FHIT: variants seen among roughly 807,000 people sequenced by gnomAD.
FHIT encodes the protein fragile histidine triad diadenosine triphosphatase.
Under a neutral mutation model 17.9 loss-of-function variants are expected in FHIT, and 19 were observed. The observed-to-expected ratio is 1.06, with a 90% confidence interval of 0.74 to 1.56. The LOEUF (loss-of-function observed/expected upper bound fraction) is 1.56, where lower values mean the gene tolerates loss of function less well. FHIT is among the 40% of genes most tolerant of loss of function. The pLI is 0.00. For missense variants in FHIT, 248 were observed against 189.2 expected (o/e 1.31, Z -1.82); for synonymous variants, 81 against 69.7 (o/e 1.16, Z -0.81).
intron 4 of FHIT, among the ~76,000 whole-genome samples, chr3:60,538,418 T>C (rs149790299): frequency 1.4e-3 from 207 of 152,252 alleles, no homozygotes; most frequent in Middle Eastern, 3.4e-3. Flanking sequence ...ATTACTTTCT[T>C]CACAGAATTG....
chr3:60,440,532 G>A (rs567542184), intron 5 of FHIT, among the ~76,000 whole-genome samples: 7 of 152,094 alleles, frequency 4.6e-5, no homozygotes, highest in East Asian at 1.9e-4. Context: ...CATTTAATTC[G>A]CTCAGCAATC....
intron 3 of FHIT, among the ~76,000 whole-genome samples, chr3:60,918,094 T>C (rs1707097172): frequency 1.3e-5 from 2 of 152,200 alleles, no homozygotes; most frequent in South Asian, 4.1e-4. Flanking sequence ...TTCACAATAT[T>C]TGATGGTTTT....
chr3:60,581,756 A>G lies in FHIT; in HGVS notation c.-17-44777T>C, dbSNP rs577392654. Among the ~76,000 whole-genome samples the G allele has an allele frequency of 3.3e-5, 5 of 152,218 alleles. No homozygotes were observed. In the East Asian group the frequency reaches 7.8e-4, roughly 24 times the overall value. On this transcript the variant is annotated intron_variant, in intron 4 of 9. Transcript: ENST00000492590. The stretch of plus-strand genomic sequence containing the variant: ...TGCAGAGTTTAGTGATGAGGTTATC[A>G]AAGTCCAAGTGATTATTGGTCCCAA...
chr3:60,782,595 A>G (rs1553725963), intron 4 of FHIT, among the ~76,000 whole-genome samples: 3 of 152,224 alleles, frequency 2.0e-5, no homozygotes, highest in African/African-American at 7.2e-5. Context: ...GAACAGAACA[A>G]AACAGCAAGG....
intron 8 of FHIT, among the ~76,000 whole-genome samples, chr3:59,759,229 C>T (rs1301824853): frequency 6.6e-6 from 1 of 151,842 alleles, no homozygotes; most frequent in African/African-American, 2.4e-5. Context: ...ATCATTTGCA[C>T]CCTGTGGGCA....
chr3:59,893,590 G>A (rs930108919), intron 8 of FHIT, among the ~76,000 whole-genome samples: 3 of 152,216 alleles, frequency 2.0e-5, no homozygotes, highest in African/African-American at 7.2e-5. Flanking sequence ...ATTTTTGTAG[G>A]AAGTGTGTTC....
chr3:60,666,249 G>T (rs555634815), intron 4 of FHIT, among the ~76,000 whole-genome samples: 12 of 152,200 alleles, frequency 7.9e-5, no homozygotes, highest in African/African-American at 2.9e-4. Context: ...TCTGTTTAAA[G>T]AACTTTCTTT....
At chr3:60,832,764 T>C (rs1464608460) in intron 3 of FHIT, among the ~76,000 whole-genome samples, 8 of 152,164 alleles carry the variant, frequency 5.3e-5, no homozygotes, top group Non-Finnish European at 7.3e-5. Context: ...CAGTCTCTTA[T>C]TCATTTTAAA....
At chr3:60,801,028 C>T (rs1575542338) in intron 4 of FHIT, among the ~76,000 whole-genome samples, 1 of 152,156 alleles carries the variant, frequency 6.6e-6, no homozygotes, top group South Asian at 2.1e-4. Context: ...GCATCCTCTA[C>T]AGAGGGAAAT....
At chr3:60,528,713 G>C (rs1289465869) in intron 5 of FHIT, among the ~76,000 whole-genome samples, 2 of 152,224 alleles carry the variant, frequency 1.3e-5, no homozygotes, top group East Asian at 3.9e-4. Flanking sequence ...AATCTACTGA[G>C]ACCATGTGCA....
At chr3:61,086,218 T>C (rs907991111) in intron 2 of FHIT, among the ~76,000 whole-genome samples, 4 of 152,192 alleles carry the variant, frequency 2.6e-5, no homozygotes, top group Non-Finnish European at 5.9e-5. Context: ...TTAAGTATGA[T>C]ATTTGCTGTA....
In FHIT at chr3:60,147,996, G is replaced by C. The variant is rs140589586; in HGVS notation, c.104-133844C>G. ...CACTGGTGAAGGGGTTTCCTCACAG[G>C]GGTTTAATAGTAAATTATTCTTTCC... On this transcript the variant is annotated intron_variant, in intron 5 of 9. Transcript: ENST00000492590. Among the ~76,000 whole-genome samples, 10 of 152,192 alleles carry C rather than the reference G, an allele frequency of 6.6e-5. No individual in the cohort carries two copies. The South Asian group carries it at 1.0e-3, about 16-fold the overall frequency.
intron 5 of FHIT, among the ~76,000 whole-genome samples, chr3:60,094,666 T>C (rs1328131900): frequency 1.3e-5 from 2 of 152,000 alleles, no homozygotes; most frequent in Non-Finnish European, 1.5e-5. Flanking sequence ...CAAAGCCACA[T>C]CATTTTCCCC....
intron 5 of FHIT, among the ~76,000 whole-genome samples, chr3:60,284,183 C>G (rs1707605805): frequency 6.6e-6 from 1 of 152,030 alleles, no homozygotes; most frequent in South Asian, 2.1e-4. Context: ...TAACATAAAC[C>G]TAAAAAGACC....
At chr3:60,250,516 T>C (rs1404132757) in intron 5 of FHIT, among the ~76,000 whole-genome samples, 4 of 152,142 alleles carry the variant, frequency 2.6e-5, no homozygotes, top group African/African-American at 9.7e-5. Flanking sequence ...GCAGTAAAGC[T>C]TCCTAAGAAA....
At chr3:60,183,975 T>C (rs1702054204) in intron 5 of FHIT, among the ~76,000 whole-genome samples, 1 of 144,574 alleles carries the variant, frequency 6.9e-6, no homozygotes, top group Admixed American at 7.3e-5. Context: ...TCATAAATTA[T>C]TATTTATATT....
chr3:60,535,589 GT>G (rs34970137), intron 5 of FHIT, among the ~76,000 whole-genome samples: 131 of 150,354 alleles, frequency 8.7e-4, no homozygotes, highest in Non-Finnish European at 1.5e-3. Flanking sequence ...TCATTCTAGT[GT>G]TTTTTTTTAA....
At chr3:60,383,358 G>A (rs185426561) in intron 5 of FHIT, among the ~76,000 whole-genome samples, 26 of 151,972 alleles carry the variant, frequency 1.7e-4, no homozygotes, top group African/African-American at 6.0e-4. Flanking sequence ...TTTCCAAATC[G>A]CTAGGGGTTA....
At chr3:60,904,546 G>C (rs1575668276) in intron 3 of FHIT, among the ~76,000 whole-genome samples, 1 of 150,656 alleles carries the variant, frequency 6.6e-6, no homozygotes, top group South Asian at 2.1e-4. Context: ...AATTTGCATA[G>C]CAAAAAATAC....
Sources: gnomAD v4.1 joint callset for allele counts (sites outside exome capture counted in the v4.1 genomes callset) on GRCh38, gnomAD v4.1.1 for gene constraint, MANE v1.5 for transcripts, NCBI Gene and HGNC (gene_info 2026-07-23, HGNC 2026-07-21) for gene names.